LMBR1: variants seen among roughly 807,000 people sequenced by gnomAD.
LMBR1 encodes limb development membrane protein 1, also known as limb region 1 protein homolog.
Under a neutral mutation model 73.9 loss-of-function variants are expected in LMBR1, and 52 were observed. That is an observed-to-expected ratio of 0.70 (90% CI 0.56 to 0.89). The LOEUF (loss-of-function observed/expected upper bound fraction) is 0.89. Ranked by LOEUF, LMBR1 falls within the 40% of genes least tolerant of loss-of-function variation. LMBR1 has a pLI of 0.00. For missense variants in LMBR1, 539 were observed against 579.8 expected (o/e 0.93, Z 0.72); for synonymous variants, 215 against 209.4 (o/e 1.03, Z -0.23).
chr7:156,676,260 T>C (rs1179319766), downstream of LMBR1: 10 of 1,543,538 alleles, frequency 6.5e-6, no homozygotes, highest in Non-Finnish European at 2.6e-6. Context: ...TATATATGTA[T>C]ATATATAAAT....
intron 1 of LMBR1, among the ~76,000 whole-genome samples, chr7:156,890,172 C>G (rs924803851): frequency 1.3e-5 from 2 of 151,748 alleles, no homozygotes; most frequent in African/African-American, 2.4e-5. Context: ...CTACCTTGCA[C>G]CAGACACAAA....
intron 15 of LMBR1, among the ~76,000 whole-genome samples, chr7:156,701,026 C>T (rs1015392683): frequency 5.9e-5 from 9 of 152,136 alleles, no homozygotes; most frequent in African/African-American, 2.2e-4. Context: ...ACCATCAGAT[C>T]TCATGAGATT....
At chr7:156,799,524 T>C (rs1453382263) in intron 4 of LMBR1, among the ~76,000 whole-genome samples, 1 of 152,098 alleles carries the variant, frequency 6.6e-6, no homozygotes, top group African/African-American at 2.4e-5. Flanking sequence ...ATAAATATTG[T>C]GTGTGTTGAC....
At chr7:156,819,433 G>C (rs113246533) in intron 4 of LMBR1, among the ~76,000 whole-genome samples, 4,841 of 152,092 alleles carry the variant, frequency 0.032, 123 homozygotes, top group South Asian at 0.085. Context: ...ATTCACTTTT[G>C]CCAAAATATT....
chr7:156,846,684 C>A lies in LMBR1; in HGVS notation c.67-9799G>T, dbSNP rs554442753. Among the ~76,000 whole-genome samples, 13 of 152,208 alleles carry A rather than the reference C, an allele frequency of 8.5e-5. No individual in the cohort carries two copies. The South Asian group carries it at 2.1e-3, about 24-fold the overall frequency. ...AAGTTATTTTGTAGATATCAACAAA[C>A]TGATTCTAAATTTTACATGGAGAAG... On this transcript the variant is annotated intron_variant, in intron 1 of 16. Transcript: ENST00000353442.
At chr7:156,721,331 CTTAA>C (rs148496118) in intron 15 of LMBR1, among the ~76,000 whole-genome samples, 2,870 of 152,180 alleles carry the variant, frequency 0.019, 56 homozygotes, top group Admixed American at 0.063. Flanking sequence ...AAATCAACGT[CTTAA>C]TTGTTTCATG....
chr7:156,737,107 TG>T (rs139924708), intron 9 of LMBR1, among the ~76,000 whole-genome samples: 2,720 of 152,286 alleles, frequency 0.018, 72 homozygotes, highest in African/African-American at 0.062. Flanking sequence ...CTTGCTTCGA[TG>T]GTGTGTATCC....
At chr7:156,765,554 A>C in intron 5 of LMBR1, among the ~76,000 whole-genome samples, 1 of 152,124 alleles carries the variant, frequency 6.6e-6, no homozygotes, top group South Asian at 2.1e-4. Context: ...AGATACCAAA[A>C]CATAATCTAC....
intron 5 of LMBR1, among the ~76,000 whole-genome samples, chr7:156,786,449 A>C (rs1828125835): frequency 6.6e-6 from 1 of 152,226 alleles, no homozygotes; most frequent in Admixed American, 6.5e-5. Context: ...ACTGAATAGT[A>C]ATACAGAGAG....
chr7:156,744,639 T>C (rs911186449), intron 9 of LMBR1, among the ~76,000 whole-genome samples: 3 of 152,188 alleles, frequency 2.0e-5, no homozygotes, highest in Admixed American at 1.3e-4. Flanking sequence ...TGACACAAAA[T>C]AGTTCTTCCC....
intron 1 of LMBR1, among the ~76,000 whole-genome samples, chr7:156,862,509 A>C (rs1254653141): frequency 6.6e-6 from 1 of 151,792 alleles, no homozygotes; most frequent in Non-Finnish European, 1.5e-5. Context: ...AAAAAAAAAA[A>C]CTAAGTGAAC....
In LMBR1 at chr7:156,680,448, T is replaced by G; in HGVS notation, c.*3630A>C. 6.7e-6 allele frequency: 1 copy of G among 149,516 alleles called. No homozygotes were observed. Among genetic ancestry groups the G allele is most frequent in the Non-Finnish European group, 1.5e-5 (1 of 67,910 alleles). 9.3% of individuals were successfully genotyped at this position (149,516 alleles called of 1,614,324 possible). On this transcript the variant is annotated 3_prime_UTR_variant, in exon 17 of 17. Transcript: ENST00000353442. ...TGTAATGGGTTATTTCTTACTGTGG[T>G]CAAAAAGTTGAAAGCCACTGTAAGT...
At chr7:156,861,048 TG>T (rs1378496200) in intron 1 of LMBR1, among the ~76,000 whole-genome samples, 2 of 152,196 alleles carry the variant, frequency 1.3e-5, no homozygotes, top group Non-Finnish European at 1.5e-5. Context: ...CTCCACTAGG[TG>T]GTGTCCCAGT....
intron 5 of LMBR1, among the ~76,000 whole-genome samples, chr7:156,785,918 C>T (rs1385147054): frequency 2.6e-5 from 4 of 152,136 alleles, no homozygotes; most frequent in East Asian, 1.9e-4. Context: ...CTACATGTCC[C>T]TAACACTAAC....
intron 1 of LMBR1, among the ~76,000 whole-genome samples, chr7:156,840,618 G>C (rs1217966365): frequency 6.6e-6 from 1 of 151,948 alleles, no homozygotes; most frequent in East Asian, 1.9e-4. Flanking sequence ...AGTAGAGGGT[G>C]ATAGGATCTG....
intron 1 of LMBR1, among the ~76,000 whole-genome samples, chr7:156,876,611 ACC>A (rs1800219079): frequency 6.6e-6 from 1 of 152,212 alleles, no homozygotes. Flanking sequence ...TTGAAATTAT[ACC>A]AAGTACTCTC....
intron 15 of LMBR1, among the ~76,000 whole-genome samples, chr7:156,696,503 A>C (rs2131992138): frequency 6.6e-6 from 1 of 152,314 alleles, no homozygotes; most frequent in East Asian, 1.9e-4. Context: ...AAACAGGTTT[A>C]ATGGAATCAC....
At chr7:156,725,965 C>T in intron 12 of LMBR1, 128 bp from the exon 13 acceptor site, 1 of 658,238 alleles carries the variant, frequency 1.5e-6, no homozygotes, top group Non-Finnish European at 2.6e-6. Flanking sequence ...AACATCTAGA[C>T]TTTCAAAGGC....
chr7:156,858,367 A>G (rs558435941), intron 1 of LMBR1, among the ~76,000 whole-genome samples: 5 of 152,328 alleles, frequency 3.3e-5, no homozygotes, highest in Admixed American at 6.5e-5. Flanking sequence ...TAATCTACCA[A>G]AACTTCCAAG....
Sources: gnomAD v4.1 joint callset for allele counts (sites outside exome capture counted in the v4.1 genomes callset) on GRCh38, gnomAD v4.1.1 for gene constraint, MANE v1.5 for transcripts, NCBI Gene and HGNC (gene_info 2026-07-23, HGNC 2026-07-21) for gene names.